Variants in OTUD7A observed in about 807,000 individuals in gnomAD.
OTUD7A encodes the protein OTU deubiquitinase 7A, also known as OTU domain-containing protein 7A.
Under a neutral mutation model 65.7 loss-of-function variants are expected in OTUD7A, and 12 were observed. That is an observed-to-expected ratio of 0.18 (90% CI 0.12 to 0.30). The LOEUF (loss-of-function observed/expected upper bound fraction) is 0.30, where lower values mean the gene tolerates loss of function less well. OTUD7A is among the 10% of genes least tolerant of loss of function. The pLI is 1.00. For synonymous variants in OTUD7A, 641 were observed against 586.3 expected (o/e 1.09, Z -1.35); for missense variants, 1,148 against 1,304.8 (o/e 0.88, Z 1.85).
rs1356128398 is a variant in OTUD7A, at chr15:31,487,405, T to C, written c.1286+47A>G. On this transcript the variant is annotated intron_variant, in intron 11 of 12. Coordinates refer to ENST00000307050, the MANE Select transcript of OTUD7A (RefSeq NM_001382637.1). This position sits in a 1 kb window ranked among gnomAD's most constrained non-coding sequence, Gnocchi z 6.0. Reference sequence around the variant, plus strand: ...TTCCCTCCCCAGGATGCCCCAGCCATAGCCCTCCCTGTGGGCGCTGGGGAA... The same window carrying C: ...TTCCCTCCCCAGGATGCCCCAGCCACAGCCCTCCCTGTGGGCGCTGGGGAA... The C allele has an allele frequency of 1.9e-6, 3 of 1,596,852 alleles. No individual in the cohort carries two copies. The highest frequency in any genetic ancestry group is 1.7e-6 in the Non-Finnish European group (2 of 1,167,060).
At chr15:31,723,391 G>GC (rs1279190962) in intron 1 of OTUD7A, among the ~76,000 whole-genome samples, 1 of 12,068 alleles carries the variant, frequency 8.3e-5, no homozygotes, top group African/African-American at 3.4e-4. Flanking sequence ...CGCACCGCAC[G>GC]CCACCCCCCC....
chr15:31,503,660 T>G (rs779470205), intron 9 of OTUD7A, 31 bp downstream of exon 9: 1 of 1,613,790 alleles, frequency 6.2e-7, no homozygotes, highest in African/African-American at 1.3e-5. Context: ...TTCTGTGTCA[T>G]GAATACAACA....
intron 5 of OTUD7A, among the ~76,000 whole-genome samples, chr15:31,537,744 C>T (rs1006490374): frequency 6.6e-6 from 1 of 152,200 alleles, no homozygotes; most frequent in African/African-American, 2.4e-5. Context: ...CCTGGAAATC[C>T]GACACATTTG....
At chr15:31,797,077 G>T (rs988700952) in intron 1 of OTUD7A, among the ~76,000 whole-genome samples, 6 of 152,112 alleles carry the variant, frequency 3.9e-5, no homozygotes, top group Non-Finnish European at 7.3e-5. Flanking sequence ...GGGTGCGGGG[G>T]GAAGCAAAAT....
rs538027131 is a variant in OTUD7A, at chr15:31,601,975, CA to C, written c.152-31779del. Among the ~76,000 whole-genome samples, 1,448 of 152,030 alleles carry C rather than the reference CA, an allele frequency of 9.5e-3. 8 individuals carry two copies. The highest frequency in any genetic ancestry group is 0.015 in the Non-Finnish European group (996 of 67,940). ...AGGCAGTAATTAATAGCCTACCAAC[CA>C]AAAAAAGTCCAGGAACAGATAGATT... is the stretch of plus-strand genomic sequence containing the variant. On this transcript the variant is annotated intron_variant, in intron 3 of 12. Coordinates refer to ENST00000307050, the MANE Select transcript of OTUD7A (RefSeq NM_001382637.1).
At position 31,478,350 on chromosome 15, in the gene OTUD7A, A is replaced by G. The variant is rs958533038; in HGVS notation, c.*4944T>C. 2.6e-5 allele frequency: 4 copies of G among 151,994 alleles called. No individual in the cohort carries two copies. The highest frequency in any genetic ancestry group is 2.0e-4 in the Admixed American group (3 of 15,252). 9.4% of individuals were successfully genotyped at this position (151,994 alleles called of 1,614,324 possible). ...CTTATGTTAAACTAACAAATTATGT[A>G]TATATATATCCTTGATATGCTCTTT... On this transcript the variant is annotated 3_prime_UTR_variant, in exon 13 of 13. Transcript: ENST00000307050.
chr15:31,639,554 C>T (rs1204344436), intron 3 of OTUD7A, among the ~76,000 whole-genome samples: 2 of 150,366 alleles, frequency 1.3e-5, no homozygotes, highest in South Asian at 2.1e-4. Context: ...CTGGATTGTA[C>T]ACTAGGTACA....
intron 1 of OTUD7A, among the ~76,000 whole-genome samples, chr15:31,817,909 G>A (rs1424242065): frequency 6.6e-6 from 1 of 152,230 alleles, no homozygotes; most frequent in African/African-American, 2.4e-5. Flanking sequence ...TAAAAGCTGA[G>A]GCCTCTGTGG....
At chr15:31,505,982 C>T (rs1287225740) in intron 8 of OTUD7A, among the ~76,000 whole-genome samples, 1 of 152,108 alleles carries the variant, frequency 6.6e-6, no homozygotes, top group African/African-American at 2.4e-5. Context: ...TCGTGATCCA[C>T]CTGCCTCGGC....
intron 1 of OTUD7A, among the ~76,000 whole-genome samples, chr15:31,773,753 T>C (rs1895298826): frequency 6.6e-6 from 1 of 152,190 alleles, no homozygotes; most frequent in Admixed American, 6.5e-5. Flanking sequence ...TTTTGATGGG[T>C]TTAAATATAT....
intron 10 of OTUD7A, among the ~76,000 whole-genome samples, chr15:31,496,581 T>C (rs1033846101): frequency 6.6e-6 from 1 of 152,270 alleles, no homozygotes; most frequent in Admixed American, 6.5e-5. Flanking sequence ...TAATGATACT[T>C]GTAACATGTA....
At position 31,781,081 on chromosome 15, in the gene OTUD7A, G is replaced by C. The variant is rs535079697; in HGVS notation, c.-100+89426C>G. Reference sequence around the variant, plus strand: ...CAGCAATGTGTCTCTTCCACAATGTGACCTTTTCAGCCCTTCCAGTGAGAG... The same window carrying C: ...CAGCAATGTGTCTCTTCCACAATGTCACCTTTTCAGCCCTTCCAGTGAGAG... On this transcript the variant is annotated intron_variant, in intron 1 of 12. Coordinates refer to ENST00000307050, the MANE Select transcript of OTUD7A (RefSeq NM_001382637.1). Among the ~76,000 whole-genome samples, 17 of 152,230 alleles carry C rather than the reference G, an allele frequency of 1.1e-4. 1 individual carries two copies. Among genetic ancestry groups the C allele is most frequent in the Middle Eastern group, 6.8e-3 (2 of 294 alleles).
At position 31,517,152 on chromosome 15, in the gene OTUD7A, G is replaced by A. The variant is rs528883860; in HGVS notation, c.893+9197C>T. On this transcript the variant is annotated intron_variant, in intron 8 of 12. Transcript: ENST00000307050. ...CAACCAGGCATTAGGACACCTGCCA[G>A]GTAAGAGAAGTATCCCATGAAAGGC... Among the ~76,000 whole-genome samples the A allele has an allele frequency of 1.4e-4, 21 of 152,338 alleles. No individual in the cohort carries two copies. The South Asian group carries it at 4.3e-3, about 32-fold the overall frequency.
chr15:31,766,628 T>C (rs961370172), intron 1 of OTUD7A: 11 of 1,605,758 alleles, frequency 6.9e-6, no homozygotes, highest in African/African-American at 6.7e-5. Context: ...TTCCTTCTTG[T>C]ACTACTTGTT....
chr15:31,574,083 C>T (rs1284479433), intron 3 of OTUD7A, among the ~76,000 whole-genome samples: 1 of 151,748 alleles, frequency 6.6e-6, no homozygotes, highest in Non-Finnish European at 1.5e-5. Context: ...TTTATTGAGG[C>T]ATATAGGGAA....
At chr15:31,854,612 T>C (rs1897519381) in intron 1 of OTUD7A, among the ~76,000 whole-genome samples, 1 of 152,170 alleles carries the variant, frequency 6.6e-6, no homozygotes, top group Non-Finnish European at 1.5e-5. Flanking sequence ...CTACTGATTA[T>C]ATTGTGCCTA....
intron 1 of OTUD7A, chr15:31,768,174 G>T: frequency 7.0e-7 from 1 of 1,425,590 alleles, no homozygotes; most frequent in South Asian, 1.1e-5. Flanking sequence ...GCCCGATAAG[G>T]CCCGGGAGGC....
chr15:31,550,765 G>A (rs557054222), intron 5 of OTUD7A, among the ~76,000 whole-genome samples: 31 of 152,290 alleles, frequency 2.0e-4, no homozygotes, highest in African/African-American at 7.0e-4. Flanking sequence ...TGCATACAGC[G>A]TCCTTTAGCC....
At chr15:31,813,037 C>T (rs1164260545) in intron 1 of OTUD7A, among the ~76,000 whole-genome samples, 3 of 152,202 alleles carry the variant, frequency 2.0e-5, no homozygotes, top group Admixed American at 1.3e-4. Context: ...CGGAACCCAA[C>T]CCAAAACACA....
Sources: allele counts gnomAD v4.1 joint callset (sites outside exome capture counted in the v4.1 genomes callset), GRCh38; gene constraint gnomAD v4.1.1; non-coding constraint Gnocchi (gnomAD v3.1); transcripts MANE v1.5; gene names NCBI Gene and HGNC (gene_info 2026-07-23, HGNC 2026-07-21).